UQCR10: variants seen among roughly 807,000 people sequenced by gnomAD.
UQCR10 encodes the protein cytochrome b-c1 complex subunit 9.
In UQCR10, 5 loss-of-function variants were observed where a neutral mutation model predicts 6.0. The observed-to-expected ratio is 0.83, with a 90% CI of 0.43 to 1.74. UQCR10 has a LOEUF of 1.74. Ranked by LOEUF, UQCR10 falls within the 40% of genes most tolerant of loss-of-function variation. UQCR10 has a pLI of 0.02. For missense variants in UQCR10, 101 were observed against 85.1 expected (o/e 1.19, Z -0.74); for synonymous variants, 40 against 37.4 (o/e 1.07, Z -0.26).
chr22:29,770,240 TCC>T lies in UQCR10; in HGVS notation c.*524_*525del. 2.9e-6 allele frequency: 1 copy of T among 341,034 alleles called. No individual in the cohort carries two copies. Among genetic ancestry groups the T allele is most frequent in the East Asian group, 7.5e-5 (1 of 13,348 alleles). 21.1% of individuals were successfully genotyped at this position (341,034 alleles called of 1,614,324 possible). ...ACCCTGGCCTAGGGGTCTTAGCCACTCCCCACCCTAGGGTATAGTTCAGGGGT... is the reference window on the plus strand; with the variant it reads ...ACCCTGGCCTAGGGGTCTTAGCCACTCCACCCTAGGGTATAGTTCAGGGGT... On this transcript the variant is annotated 3_prime_UTR_variant, in exon 2 of 2. Coordinates refer to ENST00000330029, the MANE Select transcript of UQCR10 (RefSeq NM_013387.4).
In UQCR10 at chr22:29,769,836, C is replaced by T. The variant is rs765470711; in HGVS notation, c.*117C>T. 3.2e-5 allele frequency: 39 copies of T among 1,215,042 alleles called. No homozygotes were observed. Among genetic ancestry groups the T allele is most frequent in the Non-Finnish European group, 3.6e-5 (30 of 841,322 alleles). The allele number at this position is 1,215,042 out of a possible 1,614,324, so 75.3% of individuals were successfully genotyped here. ...AAGGTACTCTTCATGGACCACCATT[C>T]GCTGTTGGCAAGAAACGGCTTTACT... On this transcript the variant is annotated 3_prime_UTR_variant, in exon 2 of 2. Coordinates refer to ENST00000330029, the MANE Select transcript of UQCR10 (RefSeq NM_013387.4).
intron 1 of UQCR10, among the ~76,000 whole-genome samples, chr22:29,767,898 C>T (rs1569344157): frequency 6.6e-6 from 1 of 152,132 alleles, no homozygotes; most frequent in African/African-American, 2.4e-5. Context: ...CCCTGTCTCT[C>T]AGAGTTTCAA....
Position 29,770,168 on chromosome 22 carries a change from C to T in UQCR10, c.*449C>T, listed in dbSNP as rs2068253630. The T allele has an allele frequency of 5.5e-6, 2 of 360,904 alleles. No homozygotes were observed. Among genetic ancestry groups the T allele is most frequent in the Non-Finnish European group, 1.1e-5 (2 of 185,028 alleles). The allele number at this position is 360,904 out of a possible 1,614,324, so 22.4% of individuals were successfully genotyped here. On this transcript the variant is annotated 3_prime_UTR_variant, in exon 2 of 2. Coordinates refer to ENST00000330029, the MANE Select transcript of UQCR10 (RefSeq NM_013387.4). ...CCAGTAATTCCATTCTTAAATACCT[C>T]ACTGTCTTGGCCATGGGGAAGCACT...
rs554486539 is a variant in UQCR10 at position 29,769,323 on chromosome 22, G to A, written c.151-355G>A. On this transcript the variant is annotated intron_variant, in intron 1 of 1. Coordinates refer to ENST00000330029, the MANE Select transcript of UQCR10 (RefSeq NM_013387.4). ...TTGAGACCAGCTTGGCCAACATGGCGAAACCCCATCTCTACTAAAAATACA... is the reference window on the plus strand; with the variant it reads ...TTGAGACCAGCTTGGCCAACATGGCAAAACCCCATCTCTACTAAAAATACA... Among the ~76,000 whole-genome samples the A allele has an allele frequency of 1.4e-3, 212 of 152,210 alleles. 1 individual carries two copies. The highest frequency in any genetic ancestry group is 4.9e-3 in the African/African-American group (202 of 41,536).
Position 29,769,795 on chromosome 22 carries a change from C to A in UQCR10, c.*76C>A. 1 of 1,515,242 alleles carries A rather than the reference C, an allele frequency of 6.6e-7. No individual in the cohort carries two copies. The highest frequency in any genetic ancestry group is 9.0e-7 in the Non-Finnish European group (1 of 1,108,942). The allele number at this position is 1,515,242 out of a possible 1,614,324, so 93.9% of individuals were successfully genotyped here. The stretch of plus-strand genomic sequence containing the variant: ...TGTTTGCCCAGAGCTGGAGCCTCAG[C>A]TTGAAGATGATGCTCAAGGTACTCT... On this transcript the variant is annotated 3_prime_UTR_variant, in exon 2 of 2. Coordinates refer to ENST00000330029, the MANE Select transcript of UQCR10 (RefSeq NM_013387.4).
chr22:29,767,845 G>T (rs1448837679), intron 1 of UQCR10, among the ~76,000 whole-genome samples: 2 of 152,170 alleles, frequency 1.3e-5, no homozygotes, highest in Admixed American at 1.3e-4. Flanking sequence ...GGACTTACTA[G>T]CTGCACAGGA....
intron 1 of UQCR10, 105 bp from the exon 2 acceptor site, chr22:29,769,573 G>A: frequency 2.5e-6 from 3 of 1,214,044 alleles, no homozygotes; most frequent in Non-Finnish European, 2.3e-6. Flanking sequence ...TCAGGACATG[G>A]CATGTGTTTC....
intron 1 of UQCR10, among the ~76,000 whole-genome samples, chr22:29,768,632 G>GT (rs368297891): frequency 0.013 from 1,810 of 144,050 alleles, 35 homozygotes; most frequent in African/African-American, 0.044. Context: ...TTTTTGTTTT[G>GT]TTTTGTTTTT....
Position 29,769,724 on chromosome 22 carries a change from T to C in UQCR10, c.*5T>C, listed in dbSNP as rs765339613. ...CACAAGTATGAGAACAAGTAGTTCC[T>C]TGGAGGCCCCCATCCAGGCCAGAAG... On this transcript the variant is annotated 3_prime_UTR_variant, in exon 2 of 2. Coordinates refer to ENST00000330029, the MANE Select transcript of UQCR10 (RefSeq NM_013387.4). 3.1e-6 allele frequency: 5 copies of C among 1,606,974 alleles called. No individual in the cohort carries two copies. The Admixed American group carries it at 5.1e-5, about 16-fold the overall frequency.
chr22:29,767,531 GACC>G lies in UQCR10; in HGVS notation c.136_138del (p.His46del), dbSNP rs779486150. Reference sequence around the variant, plus strand: ...CGATCAAGGCGCGGACGCTATCTACGACCACATCAACGAGGGGGTGAGGGCCTG... The same window carrying G: ...CGATCAAGGCGCGGACGCTATCTACGACATCAACGAGGGGGTGAGGGCCTG... On this transcript the variant is annotated inframe_deletion, in exon 1 of 2. Transcript: ENST00000330029. 3.7e-6 allele frequency: 6 copies of G among 1,613,898 alleles called. No individual in the cohort carries two copies. Among genetic ancestry groups the G allele is most frequent in the South Asian group, 1.1e-5 (1 of 91,072 alleles).
At chr22:29,769,555 C>G in intron 1 of UQCR10, 123 bp from the exon 2 acceptor site, 1 of 1,117,726 alleles carries the variant, frequency 8.9e-7, no homozygotes, top group Non-Finnish European at 1.3e-6. Context: ...ACAAGTGTAT[C>G]TTTTTAATCA....
At chr22:29,768,470 T>C (rs1230313700) in intron 1 of UQCR10, among the ~76,000 whole-genome samples, 1 of 152,166 alleles carries the variant, frequency 6.6e-6, no homozygotes, top group Non-Finnish European at 1.5e-5. Flanking sequence ...TGTCCACTAG[T>C]GCTATGCTGC....
chr22:29,767,433 C>G lies in UQCR10; in HGVS notation c.35C>G (p.Ser12Cys), dbSNP rs763357633. 1.9e-6 allele frequency: 3 copies of G among 1,613,810 alleles called. No individual in the cohort carries two copies. In the South Asian group the frequency reaches 3.3e-5, roughly 18 times the overall value. The change falls in exon 1 of 2, where the codon TCC (serine) becomes TGC (cysteine). Residue 12 changes from serine to cysteine, a missense_variant. Physicochemically the swap from Ser to Cys is moderately radical, Grantham distance 112. Transcript: ENST00000330029. ...GCGACGTTGACTTCGAAATTGTACT[C>G]CCTGCTGTTCCGCAGGACCTCCACC... ...AAATLTSKLY[S>C]LLFRRTSTFA...
rs755754573 is a variant in UQCR10, at chr22:29,769,895, G to A, written c.*176G>A. 5 of 779,552 alleles carry A rather than the reference G, an allele frequency of 6.4e-6. No individual in the cohort carries two copies. The highest frequency in any genetic ancestry group is 8.9e-6 in the Non-Finnish European group (4 of 450,072). 48.3% of individuals were successfully genotyped at this position (779,552 alleles called of 1,614,324 possible). ...AGACTCTTTACCTTCTGCTGTGTTT[G>A]AAGTATGTTTAGTCAGCATGCTCAG... On this transcript the variant is annotated 3_prime_UTR_variant, in exon 2 of 2. Coordinates refer to ENST00000330029, the MANE Select transcript of UQCR10 (RefSeq NM_013387.4).
chr22:29,767,999 A>C (rs1204963640), intron 1 of UQCR10, among the ~76,000 whole-genome samples: 1 of 152,166 alleles, frequency 6.6e-6, no homozygotes, highest in Non-Finnish European at 1.5e-5. Context: ...CTGGTCCCCA[A>C]GGCTTCCCAC....
chr22:29,768,636 TG>T (rs367821940), intron 1 of UQCR10, among the ~76,000 whole-genome samples: 184 of 123,346 alleles, frequency 1.5e-3, no homozygotes, highest in African/African-American at 5.9e-3. Context: ...TGTTTTGTTT[TG>T]TTTTTTTGAG....
chr22:29,768,626 TG>T (rs112759265), intron 1 of UQCR10, among the ~76,000 whole-genome samples: 12,053 of 149,476 alleles, frequency 0.081, 570 homozygotes, highest in African/African-American at 0.12. Context: ...TGCTTTTTTT[TG>T]TTTTGTTTTG....
intron 1 of UQCR10, among the ~76,000 whole-genome samples, chr22:29,768,550 G>C (rs2068241100): frequency 6.6e-6 from 1 of 151,980 alleles, no homozygotes; most frequent in Admixed American, 6.5e-5. Context: ...AAGTGGTTCT[G>C]TTAACCACTC....
chr22:29,767,395 A>T lies in UQCR10; in HGVS notation c.-4A>T. ...CGGTGGCGCGAGTTGGACTGTGAAG[A>T]AACATGGCGGCCGCGACGTTGACTT... On this transcript the variant is annotated 5_prime_UTR_variant, in exon 1 of 2. Transcript: ENST00000330029. The T allele has an allele frequency of 6.2e-7, 1 of 1,612,476 alleles. No individual in the cohort carries two copies. Among genetic ancestry groups the T allele is most frequent in the Non-Finnish European group, 8.5e-7 (1 of 1,179,338 alleles).
Sources: allele counts gnomAD v4.1 joint callset (sites outside exome capture counted in the v4.1 genomes callset), GRCh38; gene constraint gnomAD v4.1.1; transcripts MANE v1.5; gene names NCBI Gene and HGNC (gene_info 2026-07-23, HGNC 2026-07-21).